Variants in RALA observed in about 807,000 individuals in gnomAD.
RALA encodes RAS like proto-oncogene A.
In RALA, 5 loss-of-function variants were observed where a neutral mutation model predicts 24.0. That is an observed-to-expected ratio of 0.21 (90% CI 0.11 to 0.44). RALA has a LOEUF of 0.44. Among genes scored for constraint, RALA ranks in the 20% least tolerant of loss-of-function variants. The pLI is 0.99. For synonymous variants in RALA, 77 were observed against 83.8 expected, an observed-to-expected ratio of 0.92 and a Z score of 0.44; for missense variants, 95 against 241.2, an observed-to-expected ratio of 0.39 and a Z score of 4.01.
chr7:39,662,250 G>A (rs935352575), intron 1 of RALA, among the ~76,000 whole-genome samples: 1 of 152,030 alleles, frequency 6.6e-6, no homozygotes, highest in African/African-American at 2.4e-5. Flanking sequence ...TTTCCCCATT[G>A]TCTTGGTGAT....
chr7:39,670,344 A>G (rs1792358016), intron 1 of RALA, among the ~76,000 whole-genome samples: 1 of 152,164 alleles, frequency 6.6e-6, no homozygotes, highest in Non-Finnish European at 1.5e-5. Context: ...ACAAAGTCTC[A>G]CTGTGTTGCC....
intron 1 of RALA, among the ~76,000 whole-genome samples, chr7:39,659,049 G>T (rs1216145971): frequency 1.3e-5 from 2 of 152,146 alleles, no homozygotes; most frequent in Admixed American, 6.5e-5. Flanking sequence ...GGAGGCCGAG[G>T]CAGGCAGATC....
intron 1 of RALA, among the ~76,000 whole-genome samples, chr7:39,629,592 T>G (rs1791555301): frequency 6.6e-6 from 1 of 151,658 alleles, no homozygotes; most frequent in Admixed American, 6.6e-5. Context: ...TTTTTGTATG[T>G]GTGTATGTAT....
intron 1 of RALA, among the ~76,000 whole-genome samples, chr7:39,630,692 T>C (rs187046969): frequency 4.6e-5 from 7 of 152,322 alleles, no homozygotes; most frequent in Middle Eastern, 6.8e-3. Flanking sequence ...ATGTATGATA[T>C]AAGGAATGCA....
chr7:39,699,455 A>G (rs1165433023), intron 4 of RALA, among the ~76,000 whole-genome samples: 1 of 152,192 alleles, frequency 6.6e-6, no homozygotes. Flanking sequence ...ATGTTATTAT[A>G]CAGAACAAAT....
chr7:39,672,354 A>T (rs995068481), intron 1 of RALA, among the ~76,000 whole-genome samples: 19 of 152,176 alleles, frequency 1.2e-4, no homozygotes, highest in African/African-American at 4.3e-4. Flanking sequence ...AGGAAATACC[A>T]CTACACATTC....
At chr7:39,640,011 TATAACCA>T (rs1791756438) in intron 1 of RALA, among the ~76,000 whole-genome samples, 3 of 151,072 alleles carry the variant, frequency 2.0e-5, no homozygotes, top group African/African-American at 7.4e-5. Context: ...TTTTCTATAT[TATAACCA>T]TTCTAGTGTG....
intron 3 of RALA, among the ~76,000 whole-genome samples, chr7:39,695,181 G>A (rs1350690569): frequency 6.6e-6 from 1 of 151,994 alleles, no homozygotes. Context: ...TCAGTATCAG[G>A]GCAGGGCAGG....
chr7:39,678,213 T>G (rs1792523421), intron 1 of RALA, among the ~76,000 whole-genome samples: 1 of 151,760 alleles, frequency 6.6e-6, no homozygotes, highest in South Asian at 2.1e-4. Flanking sequence ...AAAAAAAGAT[T>G]CATTTTGGGC....
chr7:39,643,105 C>G (rs1027868491), intron 1 of RALA, among the ~76,000 whole-genome samples: 2 of 152,196 alleles, frequency 1.3e-5, no homozygotes, highest in Non-Finnish European at 2.9e-5. Flanking sequence ...TTGTTTACAT[C>G]TAATCATCCA....
At chr7:39,693,181 A>G (rs773978633) in intron 3 of RALA, among the ~76,000 whole-genome samples, 1 of 152,204 alleles carries the variant, frequency 6.6e-6, no homozygotes, top group African/African-American at 2.4e-5. Context: ...ATGTCCATCA[A>G]TGATAGACTG....
At chr7:39,683,700 T>C (rs1792645604) in intron 1 of RALA, among the ~76,000 whole-genome samples, 1 of 152,204 alleles carries the variant, frequency 6.6e-6, no homozygotes, top group Non-Finnish European at 1.5e-5. Context: ...TCATAGTTAT[T>C]AGGAAATGTT....
chr7:39,693,729 G>T (rs1472268302), intron 3 of RALA, among the ~76,000 whole-genome samples: 3 of 152,180 alleles, frequency 2.0e-5, no homozygotes, highest in Admixed American at 2.0e-4. Flanking sequence ...CATGGTTTTT[G>T]CAAGAAATCA....
chr7:39,701,474 T>C (rs1236087960), intron 4 of RALA, among the ~76,000 whole-genome samples: 1 of 152,144 alleles, frequency 6.6e-6, no homozygotes, highest in Non-Finnish European at 1.5e-5. Flanking sequence ...TCATAACCAC[T>C]ACCCTCCAGC....
intron 4 of RALA, among the ~76,000 whole-genome samples, chr7:39,697,670 T>G (rs3779200): frequency 2.0e-5 from 3 of 152,078 alleles, no homozygotes; most frequent in Non-Finnish European, 4.4e-5. Flanking sequence ...TTTGGATTCA[T>G]TTGGTCTGGA....
intron 1 of RALA, among the ~76,000 whole-genome samples, chr7:39,684,278 C>T (rs1026675374): frequency 6.6e-6 from 1 of 152,032 alleles, no homozygotes; most frequent in Non-Finnish European, 1.5e-5. Context: ...TGCTAAAATG[C>T]TTTTGATAGA....
At chr7:39,669,411 G>A (rs1206566798) in intron 1 of RALA, among the ~76,000 whole-genome samples, 1 of 152,170 alleles carries the variant, frequency 6.6e-6, no homozygotes, top group African/African-American at 2.4e-5. Flanking sequence ...CAGAGAAGCA[G>A]CTATACAAAG....
At chr7:39,661,339 T>A (rs1792186655) in intron 1 of RALA, among the ~76,000 whole-genome samples, 1 of 152,222 alleles carries the variant, frequency 6.6e-6, no homozygotes, top group African/African-American at 2.4e-5. Flanking sequence ...CCTCAAAGTC[T>A]TAACTCATTT....
At chr7:39,646,114 A>G (rs1004058421) in intron 1 of RALA, among the ~76,000 whole-genome samples, 1 of 152,210 alleles carries the variant, frequency 6.6e-6, no homozygotes, top group Non-Finnish European at 1.5e-5. Flanking sequence ...TACAACCACA[A>G]TGAATTACTA....
Sources: allele counts gnomAD v4.1 joint callset (sites outside exome capture counted in the v4.1 genomes callset), GRCh38; gene constraint gnomAD v4.1.1; transcripts MANE v1.5; gene names NCBI Gene and HGNC (gene_info 2026-07-23, HGNC 2026-07-21).